The following RYR2 variants were observed in gnomAD, a reference collection of about 807,000 sequenced individuals.
RYR2 encodes the protein cardiac muscle ryanodine receptor-calcium release channel.
A neutral mutation model predicts 601.1 loss-of-function variants in RYR2; 227 were observed. That is an observed-to-expected ratio of 0.38 (90% CI 0.34 to 0.42). The LOEUF (loss-of-function observed/expected upper bound fraction) is 0.42, where lower values mean the gene tolerates loss of function less well. Among genes scored for constraint, RYR2 ranks in the 10% least tolerant of loss-of-function variants. The probability of loss-of-function intolerance (pLI) is 1.00; values close to 1 mark genes in which losing one functional copy is unlikely to be tolerated. For synonymous variants in RYR2, 2,223 were observed against 2,175.1 expected, an observed-to-expected ratio of 1.02 and a Z score of -0.61; for missense variants, 4,646 against 6,156.5, an observed-to-expected ratio of 0.75 and a Z score of 8.21.
chr1:237,789,663 G>A (rs1463195607), intron 92 of RYR2, among the ~76,000 whole-genome samples: 1 of 132,466 alleles, frequency 7.5e-6, no homozygotes, highest in Non-Finnish European at 1.7e-5. Context: ...AACTACAGTT[G>A]TGTAAACCAA....
intron 38 of RYR2, among the ~76,000 whole-genome samples, chr1:237,618,322 G>T (rs2148619058): frequency 6.6e-6 from 1 of 152,248 alleles, no homozygotes; most frequent in East Asian, 1.9e-4. Flanking sequence ...CTACTGTTGG[G>T]AAACTTCTGC....
intron 31 of RYR2, 32 bp from the exon 32 acceptor site, chr1:237,591,706 GT>G: frequency 1.3e-6 from 2 of 1,521,038 alleles, no homozygotes; most frequent in Non-Finnish European, 1.8e-6. Context: ...ACATTTTAAT[GT>G]TGCTTATTGT....
rs370137005 is a variant in RYR2 at position 237,639,083 on chromosome 1, C to A, written c.6997C>A (p.Pro2333Thr). ...LLIRRPECFG[P>T]ALRGEGGNGL... ...CATTCGGAGGCCTGAGTGTTTTGGT[C>A]CTGCTTTGAGAGGAGAAGGTGGGAA... The change falls in exon 46 of 105, where the codon CCT becomes ACT. Residue 2333 changes from proline (P) to threonine (T), a missense_variant. By Grantham distance (38) the Pro-to-Thr change is conservative (BLOSUM62 -1). Coordinates refer to ENST00000366574, the MANE Select transcript of RYR2 (RefSeq NM_001035.3). 3 of 1,613,642 alleles carry A rather than the reference C, an allele frequency of 1.9e-6. No homozygotes were observed. Among genetic ancestry groups the A allele is most frequent in the Non-Finnish European group, 2.5e-6 (3 of 1,179,872 alleles).
intron 62 of RYR2, among the ~76,000 whole-genome samples, chr1:237,683,999 C>T (rs138380625): frequency 6.2e-4 from 95 of 152,270 alleles, no homozygotes; most frequent in African/African-American, 2.1e-3. Context: ...ATGATCTCGG[C>T]TCACTGCAAC....
In RYR2 at chr1:237,788,065, G is replaced by C. The variant is rs759882217; in HGVS notation, c.13406G>C (p.Arg4469Thr). ...KQKLRQLHTH[R>T]YGEPEVPESA... is the part of the protein sequence containing the mutation. ...AAGTTGAGGCAGCTTCACACACACA[G>C]ATACGGAGAACCAGAAGTGCCAGAG... The change falls in exon 92 of 105, where the codon AGA becomes ACA. Residue 4469 changes from arginine (R) to threonine (T), a missense_variant. Arg to Thr is a moderately conservative substitution (Grantham distance 71). This residue lies in a region of RYR2 where 364 missense variants were observed against 442.9 expected (regional missense o/e 0.82). Coordinates refer to ENST00000366574, the MANE Select transcript of RYR2 (RefSeq NM_001035.3). 6.8e-6 allele frequency: 11 copies of C among 1,612,070 alleles called. No homozygotes were observed. Among genetic ancestry groups the C allele is most frequent in the Admixed American group, 1.7e-5 (1 of 59,776 alleles).
intron 8 of RYR2, among the ~76,000 whole-genome samples, chr1:237,383,502 T>A (rs959774587): frequency 7.5e-6 from 1 of 133,090 alleles, no homozygotes; most frequent in Non-Finnish European, 1.6e-5. Flanking sequence ...CGATCTCGGC[T>A]CGCTGCAAGC....
At chr1:237,386,125 G>A (rs1379776066) in intron 8 of RYR2, among the ~76,000 whole-genome samples, 1 of 152,148 alleles carries the variant, frequency 6.6e-6, no homozygotes, top group Non-Finnish European at 1.5e-5. Context: ...TGAGGTTGAG[G>A]AGAGGAATAA....
chr1:237,591,600 G>C, intron 31 of RYR2, 139 bp from the exon 32 acceptor site: 2 of 674,286 alleles, frequency 3.0e-6, no homozygotes, highest in Non-Finnish European at 5.2e-6. Context: ...CCAAAAACAT[G>C]TATTTTCAGA....
At chr1:237,698,224 AT>A (rs1687666821) in intron 63 of RYR2, among the ~76,000 whole-genome samples, 1 of 150,460 alleles carries the variant, frequency 6.6e-6, no homozygotes, top group Non-Finnish European at 1.5e-5. Context: ...TCATCATTTT[AT>A]TTGCTTTCTG....
intron 21 of RYR2, 49 bp from the exon 22 acceptor site, chr1:237,503,240 T>C (rs1302748811): frequency 1.3e-6 from 2 of 1,506,456 alleles, no homozygotes; most frequent in South Asian, 2.4e-5. Context: ...ATTAGAAAAC[T>C]TTAATGTACA....
At chr1:237,827,361 A>G (rs1200230300) in intron 101 of RYR2, among the ~76,000 whole-genome samples, 1 of 152,152 alleles carries the variant, frequency 6.6e-6, no homozygotes, top group Non-Finnish European at 1.5e-5. Flanking sequence ...GGGGCCTGGC[A>G]CCATGGCTCA....
chr1:237,301,228 C>T (rs758048380), intron 2 of RYR2, among the ~76,000 whole-genome samples: 1 of 152,116 alleles, frequency 6.6e-6, no homozygotes, highest in Non-Finnish European at 1.5e-5. Flanking sequence ...ATGCTAATCT[C>T]TCTTTATGCT....
At chr1:237,774,026 T>C (rs1027513068) in intron 87 of RYR2, among the ~76,000 whole-genome samples, 8 of 152,152 alleles carry the variant, frequency 5.3e-5, no homozygotes, top group African/African-American at 1.4e-4. Context: ...AAGAGAAGAG[T>C]GTTTGAAAAC....
rs117813113 is a variant in RYR2, at chr1:237,571,237, A to G, written c.3598+1918A>G. Among the ~76,000 whole-genome samples the G allele has an allele frequency of 1.4e-4, 21 of 152,034 alleles. No individual in the cohort carries two copies. In the East Asian group the frequency reaches 4.1e-3, roughly 29 times the overall value. ...CATATGGATTTGCATATAAAAATGTATATATATTTGCATATATATAGTCTT... is the reference window on the plus strand; with the variant it reads ...CATATGGATTTGCATATAAAAATGTGTATATATTTGCATATATATAGTCTT... On this transcript the variant is annotated intron_variant, in intron 29 of 104. Coordinates refer to ENST00000366574, the MANE Select transcript of RYR2 (RefSeq NM_001035.3).
rs746106606 is a variant in RYR2, at chr1:237,569,228, C to T, written c.3507C>T (p.Asn1169=). The T allele has an allele frequency of 1.4e-5, 23 of 1,613,788 alleles. No homozygotes were observed. In the East Asian group the frequency reaches 4.0e-4, roughly 28 times the overall value. ...TCGTGGGGTGTATGGTTGACATGAACGAACACACCATGATGTTCACACTGA... is the reference window on the plus strand; with the variant it reads ...TCGTGGGGTGTATGGTTGACATGAATGAACACACCATGATGTTCACACTGA... ...GDVVGCMVDM[N]EHTMMFTLNG... The change falls in exon 29 of 105, where the codon AAC becomes AAT. Residue 1169 remains asparagine (N), a synonymous_variant. Coordinates refer to ENST00000366574, the MANE Select transcript of RYR2 (RefSeq NM_001035.3).
intron 14 of RYR2, among the ~76,000 whole-genome samples, chr1:237,449,059 A>G (rs1657742107): frequency 6.6e-6 from 1 of 152,166 alleles, no homozygotes; most frequent in Admixed American, 6.5e-5. Flanking sequence ...GGAGATACAC[A>G]CACACACGCC....
intron 29 of RYR2, among the ~76,000 whole-genome samples, chr1:237,578,359 C>T (rs1192325473): frequency 6.6e-6 from 1 of 152,004 alleles, no homozygotes; most frequent in African/African-American, 2.4e-5. Flanking sequence ...GAGCAGGGTG[C>T]TTTGTATGTG....
At chr1:237,798,579 A>ATGT (rs1659560528) in intron 97 of RYR2, among the ~76,000 whole-genome samples, 1 of 152,214 alleles carries the variant, frequency 6.6e-6, no homozygotes, top group South Asian at 2.1e-4. Flanking sequence ...TGTATTTAAA[A>ATGT]TGTTCAGAGG....
intron 1 of RYR2, among the ~76,000 whole-genome samples, chr1:237,102,769 C>A (rs1668256866): frequency 1.3e-5 from 2 of 152,078 alleles, no homozygotes; most frequent in South Asian, 4.1e-4. Context: ...GCAGGAGAAT[C>A]GCTTGAACCT....
Sources: allele counts gnomAD v4.1 joint callset (sites outside exome capture counted in the v4.1 genomes callset), GRCh38; gene constraint gnomAD v4.1.1; regional missense constraint gnomAD v4.1.1; transcripts MANE v1.5; gene names NCBI Gene and HGNC (gene_info 2026-07-23, HGNC 2026-07-21).